The following DYNAP variants were observed in gnomAD, a reference collection of about 807,000 sequenced individuals.
DYNAP encodes the protein dynactin-associated protein.
DYNAP carries 7 observed loss-of-function variants against 8.5 expected under a neutral mutation model. That is an observed-to-expected ratio of 0.82 (90% CI 0.47 to 1.54). The LOEUF (loss-of-function observed/expected upper bound fraction) is 1.54, where lower values mean the gene tolerates loss of function less well. Ranked by LOEUF, DYNAP falls within the 40% of genes most tolerant of loss-of-function variation. The pLI, the probability that DYNAP is intolerant of heterozygous loss-of-function variation, is 0.01. For missense variants in DYNAP, 256 were observed against 224.3 expected, an observed-to-expected ratio of 1.14 and a Z score of -0.90; for synonymous variants, 77 against 77.9, an observed-to-expected ratio of 0.99 and a Z score of 0.06.
intron 2 of DYNAP, among the ~76,000 whole-genome samples, chr18:54,596,565 C>A (rs1449070063): frequency 6.6e-6 from 1 of 152,062 alleles, no homozygotes; most frequent in Non-Finnish European, 1.5e-5. Flanking sequence ...CTGATCTAGT[C>A]CCATTAAATC....
At chr18:54,588,859 A>G (rs1207787574), upstream of DYNAP, among the ~76,000 whole-genome samples, 1 of 152,122 alleles carries the variant, frequency 6.6e-6, no homozygotes, top group Non-Finnish European at 1.5e-5. Context: ...TTCTTTGGTA[A>G]TTTTGACAGG....
chr18:54,595,194 A>C (rs1911240616), intron 2 of DYNAP, 91 bp downstream of exon 2: 2 of 1,337,536 alleles, frequency 1.5e-6, no homozygotes, highest in South Asian at 3.7e-5. Flanking sequence ...AATGTACTTA[A>C]TTACTTAATT....
At chr18:54,585,937 C>A (rs1043076444), upstream of DYNAP, among the ~76,000 whole-genome samples, 3 of 152,126 alleles carry the variant, frequency 2.0e-5, no homozygotes, top group African/African-American at 7.2e-5. Flanking sequence ...GTACACCGAG[C>A]CTGGCTACTG....
upstream of DYNAP, among the ~76,000 whole-genome samples, chr18:54,586,079 T>C (rs973830738): frequency 6.6e-6 from 1 of 152,178 alleles, no homozygotes; most frequent in Middle Eastern, 3.2e-3. Flanking sequence ...TGAATCCCAG[T>C]TTCTCTATTT....
the DYNAP span, among the ~76,000 whole-genome samples, chr18:54,576,101 T>C: frequency 6.6e-6 from 1 of 152,234 alleles, no homozygotes; most frequent in Non-Finnish European, 1.5e-5. Context: ...TGTGTGTCCC[T>C]GTTGTTTAAT....
chr18:54,581,010 G>A, the DYNAP span, among the ~76,000 whole-genome samples: 1 of 152,132 alleles, frequency 6.6e-6, no homozygotes, highest in African/African-American at 2.4e-5. Context: ...CATTACCAAT[G>A]TTGTTTTTGT....
the DYNAP span, among the ~76,000 whole-genome samples, chr18:54,575,957 A>G: frequency 3.3e-5 from 5 of 152,186 alleles, no homozygotes; most frequent in African/African-American, 1.2e-4. Context: ...AATCTCTCTC[A>G]TCATCTGATT....
chr18:54,589,987 C>G (rs1911008009), upstream of DYNAP, among the ~76,000 whole-genome samples: 1 of 152,000 alleles, frequency 6.6e-6, no homozygotes, highest in South Asian at 2.1e-4. Flanking sequence ...TTGTGTTTCA[C>G]TTTTTAAATT....
At chr18:54,580,002 G>C in the DYNAP span, among the ~76,000 whole-genome samples, 5 of 152,318 alleles carry the variant, frequency 3.3e-5, no homozygotes, top group Non-Finnish European at 7.4e-5. Context: ...AGTAACACTT[G>C]AAAGTTAGAT....
At chr18:54,581,673 A>G in the DYNAP span, among the ~76,000 whole-genome samples, 5 of 152,248 alleles carry the variant, frequency 3.3e-5, no homozygotes, top group African/African-American at 1.2e-4. Context: ...GAAACATGAA[A>G]CAATTAATAC....
chr18:54,592,005 C>G (rs556580760), intron 1 of DYNAP, among the ~76,000 whole-genome samples: 3 of 152,118 alleles, frequency 2.0e-5, no homozygotes, highest in Non-Finnish European at 4.4e-5. Flanking sequence ...AGTTAAAATT[C>G]ACTGCCAGCA....
At chr18:54,595,234 A>G in intron 2 of DYNAP, 131 bp downstream of exon 2, 1 of 1,057,710 alleles carries the variant, frequency 9.5e-7, no homozygotes, top group Non-Finnish European at 1.3e-6. Context: ...CATTTGCTGT[A>G]TTCTCAGTAT....
At chr18:54,585,070 A>G (rs940072672), upstream of DYNAP, among the ~76,000 whole-genome samples, 3 of 152,132 alleles carry the variant, frequency 2.0e-5, no homozygotes, top group African/African-American at 7.2e-5. Context: ...AAGAGGGGCA[A>G]ACATGAAACT....
At chr18:54,587,487 G>T (rs2144882765), upstream of DYNAP, among the ~76,000 whole-genome samples, 1 of 152,092 alleles carries the variant, frequency 6.6e-6, no homozygotes. Context: ...TATGAAATAT[G>T]GTACATATAT....
upstream of DYNAP, among the ~76,000 whole-genome samples, chr18:54,585,113 G>A (rs376324273): frequency 3.3e-5 from 5 of 152,270 alleles, no homozygotes; most frequent in East Asian, 7.7e-4. Context: ...CTCCTCAGGT[G>A]TGAGGGTGCA....
chr18:54,597,590 G>A (rs1179113612), intron 2 of DYNAP, among the ~76,000 whole-genome samples: 1 of 152,048 alleles, frequency 6.6e-6, no homozygotes, highest in Admixed American at 6.6e-5. Flanking sequence ...ATGGAAAATA[G>A]AATAAGAGAA....
At chr18:54,582,750 G>C in the DYNAP span, among the ~76,000 whole-genome samples, 2 of 152,128 alleles carry the variant, frequency 1.3e-5, no homozygotes, top group African/African-American at 4.8e-5. Context: ...TCCAAGCACT[G>C]CTTGTCTCTC....
chr18:54,583,429 C>T (rs958295369), upstream of DYNAP, among the ~76,000 whole-genome samples: 2 of 152,190 alleles, frequency 1.3e-5, no homozygotes, highest in African/African-American at 4.8e-5. Context: ...ATCTCATTGG[C>T]AGAGCCTAGG....
At chr18:54,585,260 G>T (rs1286063382), upstream of DYNAP, among the ~76,000 whole-genome samples, 1 of 151,804 alleles carries the variant, frequency 6.6e-6, no homozygotes, top group Admixed American at 6.6e-5. Flanking sequence ...CTAACACTGA[G>T]GCCATAAAAC....
Sources: allele counts gnomAD v4.1 joint callset (sites outside exome capture counted in the v4.1 genomes callset), GRCh38; gene constraint gnomAD v4.1.1; transcripts MANE v1.5; gene names NCBI Gene and HGNC (gene_info 2026-07-23, HGNC 2026-07-21).